Variants in SPATA18 observed in about 807,000 individuals in gnomAD.
The protein encoded by SPATA18 is spermatogenesis associated 18.
In SPATA18, 54 loss-of-function variants were observed where a neutral mutation model predicts 68.1. That is an observed-to-expected ratio of 0.79 (90% CI 0.64 to 0.99). SPATA18 has a LOEUF of 0.99. Ranked by LOEUF, SPATA18 falls within the 50% of genes least tolerant of loss-of-function variation. The pLI is 0.00. For missense variants in SPATA18, 724 were observed against 681.1 expected (o/e 1.06, Z -0.70); for synonymous variants, 242 against 244.8 (o/e 0.99, Z 0.11).
At chr4:52,054,409 C>T (rs1052783516) in intron 1 of SPATA18, among the ~76,000 whole-genome samples, 2 of 152,144 alleles carry the variant, frequency 1.3e-5, no homozygotes, top group East Asian at 3.9e-4. Flanking sequence ...GAAGCAGGCC[C>T]CTGCTGAAAC....
rs187622567 is a variant in SPATA18 at position 52,080,679 on chromosome 4, C to T, written c.1355+760C>T. Among the ~76,000 whole-genome samples, 455 of 152,230 alleles carry T rather than the reference C, an allele frequency of 3.0e-3. 3 individuals carry two copies. Among genetic ancestry groups the T allele is most frequent in the African/African-American group, 0.01 (427 of 41,532 alleles). On this transcript the variant is annotated intron_variant, in intron 9 of 12. Transcript: ENST00000295213. ...CACCTATTAGCTGTATAATGTTAGGCATGCCACTTAATTTTTCTATTTCTT... is the reference window on the plus strand; with the variant it reads ...CACCTATTAGCTGTATAATGTTAGGTATGCCACTTAATTTTTCTATTTCTT...
chr4:52,053,170 T>A (rs1738050691), intron 1 of SPATA18, among the ~76,000 whole-genome samples: 2 of 152,266 alleles, frequency 1.3e-5, no homozygotes, highest in South Asian at 4.1e-4. Context: ...ACAATGTTTA[T>A]TACAAATAAC....
chr4:52,060,489 A>G lies in SPATA18; in HGVS notation c.158A>G (p.Gln53Arg). The change falls in exon 2 of 13, where the codon CAA becomes CGA. Residue 53 changes from glutamine to arginine, a missense_variant. By Grantham distance (43) the Gln-to-Arg change is conservative. Transcript: ENST00000295213. ...GAGCAAGTTGCCAAGGTGCAGGGAC[A>G]ACTCTTTGGGATCCTCACAGCAGCA... is the stretch of plus-strand genomic sequence containing the variant. ...LIEQVAKVQG[Q>R]LFGILTAAAQ... 6.2e-7 allele frequency: 1 copy of G among 1,614,022 alleles called. No individual in the cohort carries two copies.
intron 1 of SPATA18, among the ~76,000 whole-genome samples, chr4:52,056,079 A>G (rs566530918): frequency 6.6e-6 from 1 of 151,640 alleles, no homozygotes; most frequent in East Asian, 1.9e-4. Context: ...TTTGTTTTTT[A>G]TTCACTGGCT....
chr4:52,071,806 G>A, intron 5 of SPATA18, 111 bp from the exon 6 acceptor site: 1 of 1,051,694 alleles, frequency 9.5e-7, no homozygotes, highest in South Asian at 1.7e-5. Context: ...GGCAGGCTGA[G>A]TAGCCTCTGT....
chr4:52,070,731 A>G (rs529749120), intron 5 of SPATA18, among the ~76,000 whole-genome samples: 1 of 152,354 alleles, frequency 6.6e-6, no homozygotes, highest in South Asian at 2.1e-4. Context: ...AAATATGTAT[A>G]AAACATTCAT....
chr4:52,076,130 T>C (rs1740318641), intron 6 of SPATA18, among the ~76,000 whole-genome samples: 1 of 152,182 alleles, frequency 6.6e-6, no homozygotes, highest in African/African-American at 2.4e-5. Flanking sequence ...TATATGTAAC[T>C]CCTGTGTGAG....
intron 1 of SPATA18, among the ~76,000 whole-genome samples, chr4:52,056,699 G>A (rs1222609740): frequency 2.6e-5 from 4 of 152,072 alleles, no homozygotes; most frequent in Non-Finnish European, 5.9e-5. Flanking sequence ...GGACCTTTGG[G>A]AGACCCTTAG....
intron 7 of SPATA18, chr4:52,078,365 A>T (rs1465167844): frequency 1.3e-5 from 2 of 158,968 alleles, no homozygotes; most frequent in African/African-American, 2.4e-5. Context: ...GAGTCTGGAT[A>T]TGTGTTTATA....
chr4:52,079,308 G>T (rs1176939749), intron 8 of SPATA18, among the ~76,000 whole-genome samples: 3 of 152,118 alleles, frequency 2.0e-5, no homozygotes, highest in Non-Finnish European at 4.4e-5. Context: ...GTCATTGAGA[G>T]CATTAAATGA....
chr4:52,067,613 A>G (rs912278692), intron 4 of SPATA18, among the ~76,000 whole-genome samples: 1 of 152,082 alleles, frequency 6.6e-6, no homozygotes, highest in Non-Finnish European at 1.5e-5. Flanking sequence ...TTATCCTCCA[A>G]GTCTCAGCTT....
Position 52,078,886 on chromosome 4 carries a change from G to T in SPATA18, c.1172G>T (p.Ser391Ile). The T allele has an allele frequency of 3.2e-6, 5 of 1,578,182 alleles. No individual in the cohort carries two copies. Among genetic ancestry groups the T allele is most frequent in the Non-Finnish European group, 4.3e-6 (5 of 1,152,190 alleles). The change falls in exon 8 of 13, where the codon AGT becomes ATT. Residue 391 changes from serine (S) to isoleucine (I), a missense_variant. Transcript: ENST00000295213. ...CHLDLYDSQSSVNDVIRAMNV... is the reference protein window; with the variant it reads ...CHLDLYDSQSIVNDVIRAMNV... ...CTTGATCTATATGATTCTCAAAGCA[G>T]TGTCAATGTAAGTGTTGAGTCTTTT...
intron 6 of SPATA18, among the ~76,000 whole-genome samples, chr4:52,072,769 C>T (rs1739975080): frequency 6.6e-6 from 1 of 152,118 alleles, no homozygotes; most frequent in African/African-American, 2.4e-5. Context: ...AGGTGGTACC[C>T]TCATGGAAAA....
chr4:52,055,398 ACACAGGC>A (rs1738252123), intron 1 of SPATA18, among the ~76,000 whole-genome samples: 1 of 152,188 alleles, frequency 6.6e-6, no homozygotes. Context: ...GTGATTCTCA[ACACAGGC>A]AAGGCATTGT....
chr4:52,088,601 T>C (rs1020657718), intron 11 of SPATA18, among the ~76,000 whole-genome samples: 1 of 152,226 alleles, frequency 6.6e-6, no homozygotes, highest in Non-Finnish European at 1.5e-5. Context: ...TTTGCATATA[T>C]TGAACCAGCC....
chr4:52,082,442 T>C lies in SPATA18; in HGVS notation c.1411T>C (p.Trp471Arg). 1 of 1,614,120 alleles carries C rather than the reference T, an allele frequency of 6.2e-7. No homozygotes were observed. The highest frequency in any genetic ancestry group is 8.5e-7 in the Non-Finnish European group (1 of 1,179,988). ...FTAPLVLYHV[W>R]PALMENDCVI... ...TGCTCCCTTAGTCCTCTATCACGTG[T>C]GGCCTGCTCTCATGGAGAATGACTG... The change falls in exon 10 of 13, where the codon TGG becomes CGG. Residue 471 changes from tryptophan (W) to arginine (R), a missense_variant. By Grantham distance (101) the Trp-to-Arg change is moderately radical (BLOSUM62 -3). Coordinates refer to ENST00000295213, the MANE Select transcript of SPATA18 (RefSeq NM_145263.4).
At chr4:52,073,697 G>A (rs1322325528) in intron 6 of SPATA18, among the ~76,000 whole-genome samples, 1 of 152,202 alleles carries the variant, frequency 6.6e-6, no homozygotes. Context: ...CTTTAGCCCA[G>A]GTGTTTGAAG....
At chr4:52,072,378 G>A (rs1195469831) in intron 6 of SPATA18, among the ~76,000 whole-genome samples, 1 of 152,018 alleles carries the variant, frequency 6.6e-6, no homozygotes, top group Non-Finnish European at 1.5e-5. Flanking sequence ...TTAACTTTGG[G>A]CTGAGAGATA....
chr4:52,051,701 A>G lies in SPATA18; in HGVS notation c.-4A>G, dbSNP rs759569080. On this transcript the variant is annotated 5_prime_UTR_variant, in exon 1 of 13. Transcript: ENST00000295213. ...CAGCGTGGGGCCGAGAGGAATAGTG[A>G]GCGATGGCGGAAAACCTGAAAAGAC... The G allele has an allele frequency of 2.5e-6, 4 of 1,614,032 alleles. No homozygotes were observed. Among genetic ancestry groups the G allele is most frequent in the African/African-American group, 2.7e-5 (2 of 74,928 alleles).
Sources: allele counts gnomAD v4.1 joint callset (sites outside exome capture counted in the v4.1 genomes callset), GRCh38; gene constraint gnomAD v4.1.1; transcripts MANE v1.5; gene names NCBI Gene and HGNC (gene_info 2026-07-23, HGNC 2026-07-21).